Variants in LYPD6 observed in about 807,000 individuals in gnomAD.
The protein encoded by LYPD6 is ly6/PLAUR domain-containing protein 6.
In LYPD6, 15 loss-of-function variants were observed where a neutral mutation model predicts 22.7. The observed-to-expected ratio is 0.66, with a 90% confidence interval of 0.44 to 1.02. The LOEUF (loss-of-function observed/expected upper bound fraction) is 1.02, where lower values mean the gene tolerates loss of function less well. Ranked by LOEUF, LYPD6 falls within the 50% of genes least tolerant of loss-of-function variation. The pLI is 0.00. For missense variants in LYPD6, 189 were observed against 208.4 expected (o/e 0.91, Z 0.57); for synonymous variants, 72 against 77.5 (o/e 0.93, Z 0.37).
intron 1 of LYPD6, among the ~76,000 whole-genome samples, chr2:149,353,296 T>C (rs1239418495): frequency 6.6e-6 from 1 of 152,204 alleles, no homozygotes; most frequent in East Asian, 1.9e-4. Flanking sequence ...TTCTGCTTAA[T>C]TGTAGGATGT....
chr2:149,375,895 A>T (rs947729206), intron 1 of LYPD6, among the ~76,000 whole-genome samples: 2 of 152,222 alleles, frequency 1.3e-5, no homozygotes, highest in African/African-American at 4.8e-5. Flanking sequence ...TCAATATGCA[A>T]AGCATACAGA....
intron 2 of LYPD6, among the ~76,000 whole-genome samples, chr2:149,438,896 A>G (rs1259707068): frequency 6.6e-6 from 1 of 152,200 alleles, no homozygotes; most frequent in Admixed American, 6.5e-5. Context: ...ATTCCCTATC[A>G]TTGTGAAGAT....
chr2:149,355,434 C>T lies in LYPD6; in HGVS notation c.-72+24712C>T, dbSNP rs542556758. On this transcript the variant is annotated intron_variant, in intron 1 of 4. Transcript: ENST00000334166. Reference sequence around the variant, plus strand: ...TTGTCAGAGTCTTGCATACACTTTTCGAAAATTAGAAACTTTCAGAACTTC... The same window carrying T: ...TTGTCAGAGTCTTGCATACACTTTTTGAAAATTAGAAACTTTCAGAACTTC... Among the ~76,000 whole-genome samples, 9 of 152,226 alleles carry T rather than the reference C, an allele frequency of 5.9e-5. No homozygotes were observed. In the East Asian group the frequency reaches 9.6e-4, roughly 16 times the overall value.
At chr2:149,441,122 C>CTAGT (rs1209402897) in intron 2 of LYPD6, among the ~76,000 whole-genome samples, 3 of 152,118 alleles carry the variant, frequency 2.0e-5, no homozygotes, top group Non-Finnish European at 4.4e-5. Context: ...TGTCCTTGAG[C>CTAGT]ACTAGACCAT....
chr2:149,369,731 A>T (rs563976159), intron 1 of LYPD6, among the ~76,000 whole-genome samples: 3 of 152,336 alleles, frequency 2.0e-5, no homozygotes, highest in African/African-American at 7.2e-5. Context: ...CCACTGTGCT[A>T]GATGCCGCTG....
At chr2:149,331,009 C>A (rs907450875) in intron 1 of LYPD6, among the ~76,000 whole-genome samples, 19 of 152,186 alleles carry the variant, frequency 1.2e-4, no homozygotes, top group Non-Finnish European at 1.8e-4. Context: ...TCAGGAGCTG[C>A]CAAGTTCAAG....
chr2:149,449,186 T>C (rs771025300), intron 3 of LYPD6, 39 bp downstream of exon 3: 3 of 1,440,748 alleles, frequency 2.1e-6, no homozygotes, highest in Admixed American at 3.6e-5. Flanking sequence ...CCCTGGGCTG[T>C]CCGTGAGTGA....
At chr2:149,407,411 T>G (rs1682742401) in intron 1 of LYPD6, among the ~76,000 whole-genome samples, 2 of 152,230 alleles carry the variant, frequency 1.3e-5, no homozygotes, top group African/African-American at 4.8e-5. Flanking sequence ...GTCGCATATT[T>G]CTTGGAGGCT....
In LYPD6 at chr2:149,466,955, C is replaced by T. The variant is rs79888507; in HGVS notation, c.218-1690C>T. Among the ~76,000 whole-genome samples the T allele has an allele frequency of 6.1e-3, 935 of 152,172 alleles. 6 individuals carry two copies. The highest frequency in any genetic ancestry group is 0.021 in the African/African-American group (869 of 41,498). On this transcript the variant is annotated intron_variant, in intron 3 of 4. Transcript: ENST00000334166. ...TGAACCTATTGTGACCATAAACGTC[C>T]ATCGAGTCTGATACCAAAGAAGTAA... is the stretch of plus-strand genomic sequence containing the variant.
chr2:149,358,303 C>G (rs906875414), intron 1 of LYPD6, among the ~76,000 whole-genome samples: 1 of 152,096 alleles, frequency 6.6e-6, no homozygotes, highest in African/African-American at 2.4e-5. Flanking sequence ...CCTCTGGGAA[C>G]CTAAAACATA....
At chr2:149,469,206 G>A (rs965519588) in intron 4 of LYPD6, among the ~76,000 whole-genome samples, 3 of 152,148 alleles carry the variant, frequency 2.0e-5, no homozygotes, top group Admixed American at 1.3e-4. Context: ...ATGTTAGTTT[G>A]GGGAGGGTCT....
intron 1 of LYPD6, among the ~76,000 whole-genome samples, chr2:149,426,930 C>T (rs1376907289): frequency 1.3e-5 from 2 of 152,130 alleles, no homozygotes; most frequent in Admixed American, 1.3e-4. Context: ...AAAACACCTT[C>T]CAGTGGGCAC....
chr2:149,410,241 A>G (rs1467587244), intron 1 of LYPD6, among the ~76,000 whole-genome samples: 5 of 152,200 alleles, frequency 3.3e-5, no homozygotes, highest in Non-Finnish European at 7.3e-5. Flanking sequence ...TTTTTTGAGT[A>G]TAATGCATAC....
rs184260651 is a variant in LYPD6, at chr2:149,411,316, T to C, written c.-71-26322T>C. Among the ~76,000 whole-genome samples, 595 of 152,228 alleles carry C rather than the reference T, an allele frequency of 3.9e-3. 4 individuals carry two copies. Among genetic ancestry groups the C allele is most frequent in the Non-Finnish European group, 6.4e-3 (436 of 67,990 alleles). Reference sequence around the variant, plus strand: ...AAAATGTGTGTGTATTTTTTTTTTTTATAAACAGGTATGAAGTCTTTCTCC... The same window carrying C: ...AAAATGTGTGTGTATTTTTTTTTTTCATAAACAGGTATGAAGTCTTTCTCC... On this transcript the variant is annotated intron_variant, in intron 1 of 4. Transcript: ENST00000334166.
At chr2:149,442,801 A>G (rs1010754729) in intron 2 of LYPD6, among the ~76,000 whole-genome samples, 9 of 152,174 alleles carry the variant, frequency 5.9e-5, no homozygotes, top group Admixed American at 6.5e-5. Context: ...CACTGAAAGC[A>G]GTATGTTTGC....
intron 1 of LYPD6, among the ~76,000 whole-genome samples, chr2:149,389,825 C>A (rs777374993): frequency 6.6e-6 from 1 of 152,132 alleles, no homozygotes; most frequent in Non-Finnish European, 1.5e-5. Context: ...CATGTTAGTT[C>A]AGGACCCCAA....
the LYPD6 span, among the ~76,000 whole-genome samples, chr2:149,479,162 A>C: frequency 7.2e-5 from 11 of 152,090 alleles, no homozygotes; most frequent in African/African-American, 2.7e-4. Context: ...TTCGTTCAAC[A>C]CTTCGTCTAG....
intron 2 of LYPD6, among the ~76,000 whole-genome samples, chr2:149,448,678 C>T (rs747342383): frequency 3.3e-5 from 5 of 152,218 alleles, no homozygotes; most frequent in Non-Finnish European, 7.3e-5. Context: ...CCTGGAAACT[C>T]ACCCAAGTTG....
intron 1 of LYPD6, among the ~76,000 whole-genome samples, chr2:149,421,831 C>T (rs1024142763): frequency 6.6e-6 from 1 of 152,000 alleles, no homozygotes; most frequent in South Asian, 2.1e-4. Flanking sequence ...TCTGTGAAAC[C>T]GTTTTCTCCT....
Sources: allele counts gnomAD v4.1 joint callset (sites outside exome capture counted in the v4.1 genomes callset), GRCh38; gene constraint gnomAD v4.1.1; transcripts MANE v1.5; gene names NCBI Gene and HGNC (gene_info 2026-07-23, HGNC 2026-07-21).